The following ZNF716 variants were observed in gnomAD, a reference collection of about 807,000 sequenced individuals.
ZNF716 encodes zinc finger protein 716.
In ZNF716, 9 loss-of-function variants were observed where a neutral mutation model predicts 13.4. The observed-to-expected ratio is 0.67, with a 90% CI of 0.41 to 1.18. The LOEUF is 1.18. ZNF716 is among the 50% of genes most tolerant of loss of function. ZNF716 has a pLI of 0.01. For missense variants in ZNF716, 581 were observed against 576.6 expected, an observed-to-expected ratio of 1.01 and a Z score of -0.08; for synonymous variants, 186 against 195.2, an observed-to-expected ratio of 0.95 and a Z score of 0.39.
intron 1 of ZNF716, among the ~76,000 whole-genome samples, chr7:57,453,651 A>G (rs1470649716): frequency 6.6e-6 from 1 of 152,146 alleles, no homozygotes; most frequent in Non-Finnish European, 1.5e-5. Flanking sequence ...TCTAAGGCTT[A>G]GCTTTGCGAA....
intron 1 of ZNF716, among the ~76,000 whole-genome samples, chr7:57,454,603 A>G (rs1428047987): frequency 1.3e-5 from 2 of 152,250 alleles, no homozygotes; most frequent in Non-Finnish European, 2.9e-5. Flanking sequence ...CTGGGGACCC[A>G]CAGGCAGATG....
chr7:57,462,439 T>A (rs782634599), intron 1 of ZNF716, 21 bp from the exon 2 acceptor site: 9 of 1,610,640 alleles, frequency 5.6e-6, no homozygotes, highest in Non-Finnish European at 7.6e-6. Flanking sequence ...TTTTTTTTGT[T>A]TGTTTATTTT....
At chr7:57,464,255 G>C (rs782203358) in intron 3 of ZNF716, among the ~76,000 whole-genome samples, 4 of 151,274 alleles carry the variant, frequency 2.6e-5, no homozygotes, top group Non-Finnish European at 5.9e-5. Context: ...CTGAGTAACT[G>C]GGTTTACAGG....
chr7:57,460,774 C>G (rs1583718900), intron 1 of ZNF716, among the ~76,000 whole-genome samples: 1 of 152,174 alleles, frequency 6.6e-6, no homozygotes, highest in South Asian at 2.1e-4. Context: ...GAGGTTTCAT[C>G]TGTGTGCTCT....
At chr7:57,460,767 G>T (rs10236473) in intron 1 of ZNF716, among the ~76,000 whole-genome samples, 58,322 of 151,796 alleles carry the variant, frequency 0.38, 11,407 homozygotes, top group East Asian at 0.52. Context: ...TCATGTTGAG[G>T]TTTCATCTGT....
At chr7:57,462,159 TAA>T (rs35458423) in intron 1 of ZNF716, among the ~76,000 whole-genome samples, 26 of 143,080 alleles carry the variant, frequency 1.8e-4, no homozygotes, top group African/African-American at 2.6e-4. Context: ...AGCCTCGGTT[TAA>T]AAAAAAAAAA....
chr7:57,466,126 G>A (rs1658454995), intron 3 of ZNF716, among the ~76,000 whole-genome samples: 1 of 151,850 alleles, frequency 6.6e-6, no homozygotes, highest in Non-Finnish European at 1.5e-5. Context: ...CATGGCACAT[G>A]TATACATATG....
Position 57,469,610 on chromosome 7 carries a change from A to G in ZNF716, c.1149A>G (p.Glu383=), listed in dbSNP as rs782580875. 1 of 1,613,378 alleles carries G rather than the reference A, an allele frequency of 6.2e-7. No homozygotes were observed. The highest frequency in any genetic ancestry group is 8.5e-7 in the Non-Finnish European group (1 of 1,179,792). Residue 383 remains glutamate, a synonymous_variant, in exon 4 of 4, where the codon GAA becomes GAG. Coordinates refer to ENST00000420713, the MANE Select transcript of ZNF716 (RefSeq NM_001159279.1). ...IHTGEKPYTC[E]ECGKAFSLPS... ...CTGGAGAGAAACCCTACACTTGTGA[A>G]GAATGTGGCAAAGCCTTTAGCTTAC...
chr7:57,462,391 C>G, intron 1 of ZNF716, 69 bp from the exon 2 acceptor site: 3 of 1,552,654 alleles, frequency 1.9e-6, no homozygotes, highest in Non-Finnish European at 2.6e-6. Context: ...AAATCTCTGC[C>G]TATGGCAACA....
In ZNF716 at chr7:57,469,871, C is replaced by G; in HGVS notation, c.1410C>G (p.Asp470Glu). ...AACCCTACAAATGTGAAGAATGTGA[C>G]CAAACTTTTAAGTGGCATTCAAGTC... ...GEKPYKCEEC[D>E]QTFKWHSSLA... The change falls in exon 4 of 4, where the codon GAC becomes GAG. Residue 470 changes from aspartate to glutamate, a missense_variant. Asp to Glu is a conservative substitution (Grantham distance 45, BLOSUM62 2). Transcript: ENST00000420713. 1 of 1,599,400 alleles carries G rather than the reference C, an allele frequency of 6.3e-7. No individual in the cohort carries two copies. The highest frequency in any genetic ancestry group is 8.5e-7 in the Non-Finnish European group (1 of 1,172,212).
chr7:57,469,018 A>C lies in ZNF716; in HGVS notation c.557A>C (p.Lys186Thr), dbSNP rs782548202. 1 of 1,608,018 alleles carries C rather than the reference A, an allele frequency of 6.2e-7. No homozygotes were observed. The highest frequency in any genetic ancestry group is 8.5e-7 in the Non-Finnish European group (1 of 1,176,596). ...KTRHTGKKHFKCKNDGKSFCM... is the reference protein window; with the variant it reads ...KTRHTGKKHFTCKNDGKSFCM... The stretch of plus-strand genomic sequence containing the variant: ...AGACATACTGGAAAGAAACATTTCA[A>C]ATGTAAAAACGATGGCAAATCATTT... Residue 186 changes from lysine to threonine, a missense_variant, in exon 4 of 4, where the codon AAA becomes ACA. Physicochemically the swap from Lys to Thr is moderately conservative, Grantham distance 78 (BLOSUM62 -1). Transcript: ENST00000420713.
Position 57,471,007 on chromosome 7 carries a change from A to G in ZNF716, c.*1058A>G, listed in dbSNP as rs1169726878. ...GGCAAAACTTTTAACAAATTTTCCC[A>G]TCTTATTGCACAGGAAGCCTTTTAT... On this transcript the variant is annotated 3_prime_UTR_variant, in exon 4 of 4. Transcript: ENST00000420713. 6.6e-6 allele frequency: 1 copy of G among 152,224 alleles called. No homozygotes were observed. Among genetic ancestry groups the G allele is most frequent in the Non-Finnish European group, 1.5e-5 (1 of 68,034 alleles). 9.4% of individuals were successfully genotyped at this position (152,224 alleles called of 1,614,324 possible).
intron 1 of ZNF716, among the ~76,000 whole-genome samples, chr7:57,455,463 G>A (rs1789568426): frequency 6.6e-6 from 1 of 152,102 alleles, no homozygotes; most frequent in South Asian, 2.1e-4. Flanking sequence ...AGTCATAATA[G>A]GAAAAAATGT....
chr7:57,454,820 C>T (rs1287905440), intron 1 of ZNF716, among the ~76,000 whole-genome samples: 3 of 151,988 alleles, frequency 2.0e-5, no homozygotes, highest in East Asian at 1.9e-4. Flanking sequence ...GCCAGGAGAT[C>T]GAGACCATCC....
chr7:57,460,794 A>G (rs1456359645), intron 1 of ZNF716, among the ~76,000 whole-genome samples: 1 of 152,134 alleles, frequency 6.6e-6, no homozygotes. Flanking sequence ...TATTAGTTCC[A>G]TGCAGAACAG....
chr7:57,465,193 C>T (rs1554323859), intron 3 of ZNF716, among the ~76,000 whole-genome samples: 9 of 152,012 alleles, frequency 5.9e-5, no homozygotes, highest in Non-Finnish European at 1.5e-5. Flanking sequence ...GTATTTTGAC[C>T]CGTGAGCAAA....
chr7:57,460,001 GT>G (rs34091018), intron 1 of ZNF716, among the ~76,000 whole-genome samples: 76,322 of 151,766 alleles, frequency 0.5, 19,574 homozygotes, highest in East Asian at 0.66. Context: ...GGTTTGATAT[GT>G]TCCAGAGCAT....
intron 3 of ZNF716, among the ~76,000 whole-genome samples, chr7:57,463,988 T>G (rs2116418077): frequency 6.6e-6 from 1 of 152,070 alleles, no homozygotes; most frequent in East Asian, 1.9e-4. Flanking sequence ...ATTTTGTTTT[T>G]TTGTTTTGTA....
chr7:57,469,596 C>G lies in ZNF716; in HGVS notation c.1135C>G (p.Pro379Ala), dbSNP rs1789885805. Reference sequence around the variant, plus strand: ...TAAGAGGATTCATACTGGAGAGAAACCCTACACTTGTGAAGAATGTGGCAA... The same window carrying G: ...TAAGAGGATTCATACTGGAGAGAAAGCCTACACTTGTGAAGAATGTGGCAA... ...THKRIHTGEKPYTCEECGKAF... is the reference protein window; with the variant it reads ...THKRIHTGEKAYTCEECGKAF... The change falls in exon 4 of 4, where the codon CCC becomes GCC. Residue 379 changes from proline to alanine, a missense_variant. Coordinates refer to ENST00000420713, the MANE Select transcript of ZNF716 (RefSeq NM_001159279.1). 1.9e-6 allele frequency: 3 copies of G among 1,613,044 alleles called. No individual in the cohort carries two copies. Among genetic ancestry groups the G allele is most frequent in the Non-Finnish European group, 2.5e-6 (3 of 1,179,730 alleles).
Sources: gnomAD v4.1 joint callset for allele counts (sites outside exome capture counted in the v4.1 genomes callset) on GRCh38, gnomAD v4.1.1 for gene constraint, MANE v1.5 for transcripts, NCBI Gene and HGNC (gene_info 2026-07-23, HGNC 2026-07-21) for gene names.